The following ARFIP1 variants were observed in gnomAD, a reference collection of about 807,000 sequenced individuals.
The protein encoded by ARFIP1 is arfaptin-1.
ARFIP1 carries 24 observed loss-of-function variants against 42.5 expected under a neutral mutation model. That is an observed-to-expected ratio of 0.57 (90% CI 0.41 to 0.80). The LOEUF is 0.80. Among genes scored for constraint, ARFIP1 ranks in the 30% least tolerant of loss-of-function variants. The pLI is 0.00. For missense variants in ARFIP1, 354 were observed against 434.0 expected (o/e 0.82, Z 1.64); for synonymous variants, 141 against 153.7 (o/e 0.92, Z 0.61).
At chr4:152,859,727 C>A (rs996744437) in intron 2 of ARFIP1, among the ~76,000 whole-genome samples, 3 of 151,832 alleles carry the variant, frequency 2.0e-5, no homozygotes, top group Admixed American at 6.6e-5. Flanking sequence ...CCCTTTAAAG[C>A]ATGTCTTTTT....
chr4:152,893,946 T>C (rs187496890), intron 8 of ARFIP1, among the ~76,000 whole-genome samples: 15 of 152,132 alleles, frequency 9.9e-5, no homozygotes, highest in Admixed American at 9.2e-4. Context: ...TCTAATATAT[T>C]ATTTAAGACG....
chr4:152,843,714 C>T (rs1401902686), intron 2 of ARFIP1, among the ~76,000 whole-genome samples: 1 of 152,166 alleles, frequency 6.6e-6, no homozygotes, highest in Non-Finnish European at 1.5e-5. Flanking sequence ...CCGGCAGTCA[C>T]AGGCCTCACG....
At chr4:152,790,610 G>A (rs1731089009) in intron 1 of ARFIP1, among the ~76,000 whole-genome samples, 2 of 152,070 alleles carry the variant, frequency 1.3e-5, no homozygotes, top group African/African-American at 2.4e-5. Flanking sequence ...GTAGAGATAG[G>A]CATAGTTGAA....
chr4:152,796,302 C>CT, intron 1 of ARFIP1: 1 of 949,244 alleles, frequency 1.1e-6, no homozygotes, highest in East Asian at 2.4e-5. Context: ...GTTACATGGA[C>CT]TTTCTTGAAA....
intron 2 of ARFIP1, among the ~76,000 whole-genome samples, chr4:152,851,770 AC>A (rs1733001315): frequency 6.6e-6 from 1 of 152,232 alleles, no homozygotes; most frequent in African/African-American, 2.4e-5. Flanking sequence ...AAACAAATTT[AC>A]TGAACATTTT....
At chr4:152,829,851 A>G (rs1731134275) in intron 2 of ARFIP1, 125 bp downstream of exon 2, 4 of 705,620 alleles carry the variant, frequency 5.7e-6, no homozygotes, top group Middle Eastern at 3.5e-4. Context: ...CAGGAATCTA[A>G]TGTTATTATA....
Position 152,804,331 on chromosome 4 carries a change from ATATT to A in ARFIP1, c.-10+24107_-10+24110del, listed in dbSNP as rs1206493445. ...ATATATAACATAACATGTATTATAT[ATATT>A]TTATATATATAATATAACATGTATT... On this transcript the variant is annotated intron_variant, in intron 1 of 8. Transcript: ENST00000353617. Among the ~76,000 whole-genome samples the A allele has an allele frequency of 3.7e-4, 25 of 68,198 alleles. 1 individual carries two copies. Among genetic ancestry groups the A allele is most frequent in the Non-Finnish European group, 4.7e-4 (18 of 38,066 alleles). The allele number at this position is 68,198 out of a possible 152,430, so 44.7% of individuals were successfully genotyped here.
intron 1 of ARFIP1, among the ~76,000 whole-genome samples, chr4:152,789,675 A>C (rs1330313682): frequency 2.0e-5 from 3 of 151,808 alleles, no homozygotes; most frequent in East Asian, 3.9e-4. Flanking sequence ...TATCAGTCTG[A>C]CTCATGGATA....
At chr4:152,851,232 T>G (rs1045712822) in intron 2 of ARFIP1, among the ~76,000 whole-genome samples, 1 of 152,284 alleles carries the variant, frequency 6.6e-6, no homozygotes, top group East Asian at 1.9e-4. Context: ...AGAGAGGATA[T>G]AGACAAATTA....
At chr4:152,861,515 A>G (rs1199991166) in intron 2 of ARFIP1, among the ~76,000 whole-genome samples, 4 of 152,222 alleles carry the variant, frequency 2.6e-5, no homozygotes, top group Non-Finnish European at 4.4e-5. Context: ...CATCAAGTAC[A>G]TTTAAGGAGT....
chr4:152,871,357 G>A (rs1169842436), intron 4 of ARFIP1, among the ~76,000 whole-genome samples: 1 of 152,140 alleles, frequency 6.6e-6, no homozygotes, highest in East Asian at 1.9e-4. Context: ...AAATACTTGG[G>A]AAAATCAGTA....
intron 1 of ARFIP1, among the ~76,000 whole-genome samples, chr4:152,811,632 T>G (rs1388723795): frequency 6.6e-6 from 1 of 152,222 alleles, no homozygotes; most frequent in East Asian, 1.9e-4. Context: ...AAAAGTTGAT[T>G]GGAACCTATT....
chr4:152,839,824 TG>T (rs1731922691), intron 2 of ARFIP1, among the ~76,000 whole-genome samples: 1 of 152,234 alleles, frequency 6.6e-6, no homozygotes, highest in African/African-American at 2.4e-5. Context: ...TTTCTTCTGC[TG>T]GGTTTGGGTT....
At chr4:152,904,176 G>GTATATA (rs1435452275) in intron 8 of ARFIP1, among the ~76,000 whole-genome samples, 2 of 98,996 alleles carry the variant, frequency 2.0e-5, no homozygotes, top group African/African-American at 7.2e-5. Context: ...ATATGTGTGT[G>GTATATA]TGTGTATATA....
chr4:152,876,005 G>C (rs1383810506), intron 5 of ARFIP1, among the ~76,000 whole-genome samples: 1 of 152,080 alleles, frequency 6.6e-6, no homozygotes, highest in East Asian at 1.9e-4. Context: ...CTCCTGCCAT[G>C]ATTCTGAGGC....
intron 8 of ARFIP1, among the ~76,000 whole-genome samples, chr4:152,904,795 T>G (rs1738167199): frequency 6.6e-6 from 1 of 152,228 alleles, no homozygotes; most frequent in Non-Finnish European, 1.5e-5. Context: ...GGTCTATCAT[T>G]GATGGGCATT....
At chr4:152,896,846 T>C (rs1389712367) in intron 8 of ARFIP1, among the ~76,000 whole-genome samples, 2 of 152,182 alleles carry the variant, frequency 1.3e-5, no homozygotes, top group Admixed American at 6.5e-5. Context: ...TTCCCAAATA[T>C]AGTCTTTAAT....
intron 2 of ARFIP1, among the ~76,000 whole-genome samples, chr4:152,846,922 AT>A (rs10712308): frequency 0.96 from 142,919 of 148,582 alleles, 68,950 homozygotes; most frequent in South Asian, 1. Context: ...TGAAATTACA[AT>A]TTTTTTTTTT....
At chr4:152,848,494 A>G (rs756119882) in intron 2 of ARFIP1, among the ~76,000 whole-genome samples, 48 of 152,148 alleles carry the variant, frequency 3.2e-4, no homozygotes, top group Non-Finnish European at 6.2e-4. Flanking sequence ...TTGTTGTTAT[A>G]GTTTTATTTT....
Sources: allele counts gnomAD v4.1 joint callset (sites outside exome capture counted in the v4.1 genomes callset), GRCh38; gene constraint gnomAD v4.1.1; transcripts MANE v1.5; gene names NCBI Gene and HGNC (gene_info 2026-07-23, HGNC 2026-07-21).